PTCHD4: variants seen among roughly 807,000 people sequenced by gnomAD.
The protein encoded by PTCHD4 is patched domain-containing protein 4.
Under a neutral mutation model 58.1 loss-of-function variants are expected in PTCHD4, and 33 were observed. The ratio of observed to expected loss-of-function variants is 0.57; its 90% CI spans 0.43 to 0.76. PTCHD4 has a LOEUF of 0.76. Among genes scored for constraint, PTCHD4 ranks in the 30% least tolerant of loss-of-function variants. The pLI is 0.00. For synonymous variants in PTCHD4, 478 were observed against 409.6 expected (o/e 1.17, Z -2.02); for missense variants, 1,058 against 1,027.1 (o/e 1.03, Z -0.41).
chr6:47,970,882 A>G (rs551479058), intron 4 of PTCHD4, among the ~76,000 whole-genome samples: 71 of 152,336 alleles, frequency 4.7e-4, no homozygotes, highest in Middle Eastern at 3.4e-3. Flanking sequence ...TGTGGGGCCT[A>G]GCAATTTTTG....
intron 4 of PTCHD4, among the ~76,000 whole-genome samples, chr6:47,898,296 A>G (rs755060777): frequency 5.9e-5 from 9 of 152,100 alleles, no homozygotes; most frequent in Non-Finnish European, 7.4e-5. Flanking sequence ...TGCATTTTAA[A>G]CTATCATAAT....
chr6:47,921,957 AAAAGAAAAG>A (rs1561958624), intron 4 of PTCHD4, among the ~76,000 whole-genome samples: 3 of 117,080 alleles, frequency 2.6e-5, no homozygotes, highest in Admixed American at 1.6e-4. Context: ...AAAAAAAAAA[AAAAGAAAAG>A]AAAAGAAAAG....
At chr6:48,071,975 T>C (rs948187863) in intron 1 of PTCHD4, among the ~76,000 whole-genome samples, 6 of 152,222 alleles carry the variant, frequency 3.9e-5, no homozygotes, top group African/African-American at 1.4e-4. Context: ...GCCATTTTCA[T>C]CACATAATAT....
intron 4 of PTCHD4, among the ~76,000 whole-genome samples, chr6:47,898,290 T>C (rs1197233725): frequency 6.6e-6 from 1 of 152,164 alleles, no homozygotes. Context: ...AAAAACTGCA[T>C]TTTAAACTAT....
At chr6:47,932,950 T>C (rs989301971) in intron 4 of PTCHD4, among the ~76,000 whole-genome samples, 1 of 152,228 alleles carries the variant, frequency 6.6e-6, no homozygotes, top group African/African-American at 2.4e-5. Flanking sequence ...CTAAGTTTTT[T>C]GTATTATTAA....
chr6:47,856,797 G>T lies in PTCHD4; in HGVS notation c.*21506C>A, dbSNP rs1763319954. On this transcript the variant is annotated 3_prime_UTR_variant, in exon 5 of 5. Transcript: ENST00000339488. ...TGAACATTTTATACCTAATAAAAAA[G>T]TTAAAATAATTAACAGCATTCATCA... Among the ~76,000 whole-genome samples the T allele has an allele frequency of 6.6e-6, 1 of 151,934 alleles. No homozygotes were observed. Among genetic ancestry groups the T allele is most frequent in the Non-Finnish European group, 1.5e-5 (1 of 67,962 alleles).
chr6:47,883,668 A>G lies in PTCHD4; in HGVS notation c.899-3732T>C, dbSNP rs985671311. On this transcript the variant is annotated intron_variant, in intron 4 of 4. Coordinates refer to ENST00000339488, the MANE Select transcript of PTCHD4 (RefSeq NM_001384253.1). The stretch of plus-strand genomic sequence containing the variant: ...TATTTGTTTAATCCAGGGTTTCCCA[A>G]CTGGGCACTATTGACACTTTGGGCT... Among the ~76,000 whole-genome samples the G allele has an allele frequency of 5.9e-5, 9 of 152,172 alleles. No individual in the cohort carries two copies. In the East Asian group the frequency reaches 1.7e-3, roughly 29 times the overall value.
intron 3 of PTCHD4, among the ~76,000 whole-genome samples, chr6:48,065,287 T>C (rs1764759373): frequency 6.6e-6 from 1 of 152,218 alleles, no homozygotes; most frequent in Admixed American, 6.5e-5. Context: ...CCACCGCTAT[T>C]TATTCTGCAA....
chr6:48,087,536 A>G (rs182822002), intron 1 of PTCHD4, among the ~76,000 whole-genome samples: 13 of 152,306 alleles, frequency 8.5e-5, no homozygotes, highest in African/African-American at 3.1e-4. Context: ...CCTTGCATAC[A>G]TTGTCTTATT....
intron 4 of PTCHD4, among the ~76,000 whole-genome samples, chr6:48,003,992 T>C (rs148611443): frequency 6.6e-6 from 1 of 152,318 alleles, no homozygotes; most frequent in East Asian, 1.9e-4. Context: ...CTTATTCTGC[T>C]TTATTTGTTT....
intron 4 of PTCHD4, 61 bp from the exon 5 acceptor site, chr6:47,879,997 T>G: frequency 7.9e-7 from 1 of 1,263,128 alleles, no homozygotes; most frequent in Non-Finnish European, 1.1e-6. Context: ...CTCAAGTGAA[T>G]TCCTTATAGT....
At chr6:47,891,221 C>CAAAAAA (rs35503136) in intron 4 of PTCHD4, among the ~76,000 whole-genome samples, 1 of 83,336 alleles carries the variant, frequency 1.2e-5, no homozygotes, top group African/African-American at 5.4e-5. Context: ...GACTGTGTCT[C>CAAAAAA]AAAAAAAAAA....
At chr6:47,978,360 G>A (rs1207566513) in intron 4 of PTCHD4, among the ~76,000 whole-genome samples, 5 of 152,188 alleles carry the variant, frequency 3.3e-5, no homozygotes, top group East Asian at 1.9e-4. Context: ...ACCAAGAGGC[G>A]GTATGAGTTA....
At chr6:47,953,027 T>A (rs1252812770) in intron 4 of PTCHD4, among the ~76,000 whole-genome samples, 1 of 149,774 alleles carries the variant, frequency 6.7e-6, no homozygotes, top group Non-Finnish European at 1.5e-5. Context: ...CTCATGAACA[T>A]TGAAGAATAC....
chr6:48,001,797 G>T (rs1215368209), intron 4 of PTCHD4, among the ~76,000 whole-genome samples: 1 of 152,144 alleles, frequency 6.6e-6, no homozygotes, highest in Non-Finnish European at 1.5e-5. Flanking sequence ...CACAGCAAAA[G>T]AAACTACCAT....
In PTCHD4 at chr6:47,867,038, T is replaced by C. The variant is rs1012888822; in HGVS notation, c.*11265A>G. Among the ~76,000 whole-genome samples the C allele has an allele frequency of 2.0e-5, 3 of 151,856 alleles. No individual in the cohort carries two copies. Among genetic ancestry groups the C allele is most frequent in the South Asian group, 4.1e-4 (2 of 4,832 alleles). On this transcript the variant is annotated 3_prime_UTR_variant, in exon 5 of 5. Coordinates refer to ENST00000339488, the MANE Select transcript of PTCHD4 (RefSeq NM_001384253.1). ...GATGATATATTTTACCATAGGGACATAGTACTTGTTTACAATGTTTTCTTT... is the reference window on the plus strand; with the variant it reads ...GATGATATATTTTACCATAGGGACACAGTACTTGTTTACAATGTTTTCTTT...
intron 4 of PTCHD4, among the ~76,000 whole-genome samples, chr6:47,967,567 C>T (rs988480353): frequency 2.0e-5 from 3 of 152,180 alleles, no homozygotes; most frequent in African/African-American, 7.2e-5. Context: ...ATGGTATCTT[C>T]TTCCAATATA....
chr6:48,027,795 C>T (rs1467277311), intron 3 of PTCHD4, among the ~76,000 whole-genome samples: 1 of 152,060 alleles, frequency 6.6e-6, no homozygotes, highest in Non-Finnish European at 1.5e-5. Flanking sequence ...TTGCTATAGA[C>T]TCCTAGTATG....
intron 3 of PTCHD4, among the ~76,000 whole-genome samples, chr6:48,067,526 A>T (rs1764840901): frequency 6.6e-6 from 1 of 152,110 alleles, no homozygotes; most frequent in Non-Finnish European, 1.5e-5. Flanking sequence ...ACCCATACAC[A>T]TCATTCCTGG....
Sources: gnomAD v4.1 joint callset for allele counts (sites outside exome capture counted in the v4.1 genomes callset) on GRCh38, gnomAD v4.1.1 for gene constraint, MANE v1.5 for transcripts, NCBI Gene and HGNC (gene_info 2026-07-23, HGNC 2026-07-21) for gene names.